The following ATR variants were observed in gnomAD, a reference collection of about 807,000 sequenced individuals.
The protein encoded by ATR is serine/threonine-protein kinase ATR.
In ATR, 142 loss-of-function variants were observed where a neutral mutation model predicts 305.3. The observed-to-expected ratio is 0.47, with a 90% confidence interval of 0.41 to 0.53. The LOEUF is 0.53. Among genes scored for constraint, ATR ranks in the 20% least tolerant of loss-of-function variants. The probability of loss-of-function intolerance (pLI) is 0.00; values close to 1 mark genes in which losing one functional copy is unlikely to be tolerated. For missense variants in ATR, 2,135 were observed against 3,133.1 expected (o/e 0.68, Z 7.60); for synonymous variants, 1,050 against 1,068.1 (o/e 0.98, Z 0.33).
chr3:142,536,752 G>A (rs1304656392), intron 19 of ATR, among the ~76,000 whole-genome samples: 1 of 152,152 alleles, frequency 6.6e-6, no homozygotes, highest in Non-Finnish European at 1.5e-5. Context: ...GAACTGACCA[G>A]CTGAGCACAG....
At chr3:142,467,139 T>A (rs1449000906) in intron 39 of ATR, among the ~76,000 whole-genome samples, 1 of 152,176 alleles carries the variant, frequency 6.6e-6, no homozygotes, top group African/African-American at 2.4e-5. Context: ...TATCTTTTCA[T>A]CTATAAACAC....
At chr3:142,560,126 T>C (rs2034823354) in intron 6 of ATR, 137 bp downstream of exon 6, 5 of 831,764 alleles carry the variant, frequency 6.0e-6, no homozygotes, top group South Asian at 1.5e-5. Context: ...TTTGACTCAA[T>C]AGAAAATAAA....
Position 142,553,264 on chromosome 3 carries a change from T to C in ATR, c.2768A>G (p.Gln923Arg), listed in dbSNP as rs779461050. 14 of 1,614,178 alleles carry C rather than the reference T, an allele frequency of 8.7e-6. No homozygotes were observed. The highest frequency in any genetic ancestry group is 1.2e-5 in the Non-Finnish European group (14 of 1,180,014). Residue 923 changes from glutamine (Q) to arginine (R), a missense_variant, in exon 13 of 47, where the codon CAA becomes CGA. This residue lies in a region of ATR where 530 missense variants were observed against 766.8 expected (regional missense o/e 0.69). Coordinates refer to ENST00000350721, the MANE Select transcript of ATR (RefSeq NM_001184.4). ...TTTCTTATACTGGCTGAAAAAACTT[T>C]GCAGTTTAACACTTTTAGCTGCAAC... ...ALVAAKSVKL[Q>R]SFFSQYKKPI...
At chr3:142,451,495 C>G (rs983802652) in intron 46 of ATR, 17 of 1,455,616 alleles carry the variant, frequency 1.2e-5, no homozygotes, top group Non-Finnish European at 1.6e-5. Flanking sequence ...CAAAAGAACA[C>G]AGACTGGACC....
chr3:142,577,112 T>G (rs1479614069), intron 1 of ATR, among the ~76,000 whole-genome samples: 1 of 152,230 alleles, frequency 6.6e-6, no homozygotes, highest in Non-Finnish European at 1.5e-5. Flanking sequence ...TTAGCTTTTT[T>G]GATTCAAGTA....
intron 21 of ATR, among the ~76,000 whole-genome samples, chr3:142,527,215 C>T (rs2033432474): frequency 6.6e-6 from 1 of 152,080 alleles, no homozygotes; most frequent in African/African-American, 2.4e-5. Context: ...CTACTGAACA[C>T]TGTTATATAT....
At chr3:142,552,029 T>C (rs988088482) in intron 13 of ATR, among the ~76,000 whole-genome samples, 1 of 152,010 alleles carries the variant, frequency 6.6e-6, no homozygotes, top group African/African-American at 2.4e-5. Context: ...AAAGAAGACA[T>C]ACATGCAGCC....
In ATR at chr3:142,517,195, C is replaced by A. The variant is rs75368165; in HGVS notation, c.4383-1680G>T. Among the ~76,000 whole-genome samples, 1,873 of 151,530 alleles carry A rather than the reference C, an allele frequency of 0.012. 61 individuals carry two copies. The East Asian group carries it at 0.12, about 10-fold the overall frequency. On this transcript the variant is annotated intron_variant, in intron 24 of 46. Coordinates refer to ENST00000350721, the MANE Select transcript of ATR (RefSeq NM_001184.4). Reference sequence around the variant, plus strand: ...AAAACTACTGATACTGGGATACAAGCCAGGCTCTGCCTAGTCATAACCTGA... The same window carrying A: ...AAAACTACTGATACTGGGATACAAGACAGGCTCTGCCTAGTCATAACCTGA...
chr3:142,568,031 A>G (rs1424522394), intron 2 of ATR, 32 bp downstream of exon 2: 1 of 1,497,086 alleles, frequency 6.7e-7, no homozygotes, highest in Non-Finnish European at 9.1e-7. Flanking sequence ...TCTAATTTAT[A>G]AAGTTTATAT....
chr3:142,465,020 A>G (rs2071095855), intron 41 of ATR, 77 bp downstream of exon 41: 2 of 986,096 alleles, frequency 2.0e-6, no homozygotes, highest in Non-Finnish European at 2.7e-6. Context: ...AATAAAAGCA[A>G]TCTGGTTTTA....
chr3:142,486,580 C>A (rs116385099), intron 35 of ATR, among the ~76,000 whole-genome samples: 2,722 of 152,186 alleles, frequency 0.018, 29 homozygotes, highest in South Asian at 0.041. Flanking sequence ...ACAGCTTGAT[C>A]AATTATCACA....
At chr3:142,481,615 C>T (rs1417699538) in intron 36 of ATR, among the ~76,000 whole-genome samples, 1 of 152,056 alleles carries the variant, frequency 6.6e-6, no homozygotes, top group Non-Finnish European at 1.5e-5. Flanking sequence ...TATAGCCTCC[C>T]ACATAGCTGG....
intron 42 of ATR, among the ~76,000 whole-genome samples, chr3:142,460,436 T>C (rs910117222): frequency 2.6e-5 from 4 of 152,058 alleles, no homozygotes; most frequent in Admixed American, 6.6e-5. Context: ...GTGACTGGTG[T>C]TCTTATGAGA....
rs2070737022 is a variant in ATR, at chr3:142,449,617, CAT to C, written c.7762-17_7762-16del. The C allele has an allele frequency of 6.2e-7, 1 of 1,612,938 alleles. No individual in the cohort carries two copies. The highest frequency in any genetic ancestry group is 1.3e-5 in the African/African-American group (1 of 74,998). On this transcript the variant is annotated splice_polypyrimidine_tract_variant and intron_variant, in intron 46 of 46. Transcript: ENST00000350721. ...TGGGTCTTGGCCTAAAAAGAAGAAA[CAT>C]AAAACCAAAAACAGATGTTAATAAT...
At chr3:142,466,588 C>G (rs1384392935) in intron 39 of ATR, 55 bp from the exon 40 acceptor site, 2 of 1,486,280 alleles carry the variant, frequency 1.3e-6, no homozygotes, top group African/African-American at 1.4e-5. Flanking sequence ...TCCACTATAA[C>G]AAAAATTTCA....
In ATR at chr3:142,553,336, T is replaced by G; in HGVS notation, c.2696A>C (p.Lys899Thr). ...LLHLLHCLLS[K>T]SASVSGAAYT... ...TGCTGCTCCAGAGACAGATGCTGAC[T>G]TGGATAACAAACAATGCAATAAGTG... is the stretch of plus-strand genomic sequence containing the variant. Residue 899 changes from lysine to threonine, a missense_variant, in exon 13 of 47, where the codon AAG (lysine) becomes ACG (threonine). By Grantham distance (78) the Lys-to-Thr change is moderately conservative. Coordinates refer to ENST00000350721, the MANE Select transcript of ATR (RefSeq NM_001184.4). 1 of 1,614,002 alleles carries G rather than the reference T, an allele frequency of 6.2e-7. No homozygotes were observed. The highest frequency in any genetic ancestry group is 8.5e-7 in the Non-Finnish European group (1 of 1,179,998).
chr3:142,488,298 C>T (rs1446757123), intron 35 of ATR, among the ~76,000 whole-genome samples: 1 of 152,184 alleles, frequency 6.6e-6, no homozygotes, highest in East Asian at 1.9e-4. Flanking sequence ...GAGTTAGCAA[C>T]GACTCTCTGT....
chr3:142,498,486 T>C, intron 32 of ATR, 111 bp downstream of exon 32: 1 of 932,588 alleles, frequency 1.1e-6, no homozygotes, highest in Non-Finnish European at 1.7e-6. Context: ...CTGTCTAGTG[T>C]AGCTATGCAT....
chr3:142,459,222 C>T lies in ATR; in HGVS notation c.7349+5G>A. 1.2e-6 allele frequency: 2 copies of T among 1,613,878 alleles called. No individual in the cohort carries two copies. The highest frequency in any genetic ancestry group is 1.7e-6 in the Non-Finnish European group (2 of 1,179,822). On this transcript the variant is annotated splice_donor_5th_base_variant and intron_variant, in intron 43 of 46. Transcript: ENST00000350721. Reference sequence around the variant, plus strand: ...TAACAACGTATTATATTCTTGGTAACTTACCATGATGTAGGATCAGGGAAT... The same window carrying T: ...TAACAACGTATTATATTCTTGGTAATTTACCATGATGTAGGATCAGGGAAT...
Sources: allele counts gnomAD v4.1 joint callset (sites outside exome capture counted in the v4.1 genomes callset), GRCh38; gene constraint gnomAD v4.1.1; regional missense constraint gnomAD v4.1.1; transcripts MANE v1.5; gene names NCBI Gene and HGNC (gene_info 2026-07-23, HGNC 2026-07-21).